The following RIN2 variants were observed in gnomAD, a reference collection of about 807,000 sequenced individuals.
The protein encoded by RIN2 is Ras and Rab interactor 2, also known as RAB5 interacting protein 2.
A neutral mutation model predicts 78.0 loss-of-function variants in RIN2; 36 were observed. The observed-to-expected ratio is 0.46, with a 90% CI of 0.35 to 0.61. The LOEUF is 0.61. RIN2 is among the 20% of genes least tolerant of loss of function. The probability of loss-of-function intolerance (pLI) is 0.00; values close to 1 mark genes in which losing one functional copy is unlikely to be tolerated. For missense variants in RIN2, 1,087 were observed against 1,159.7 expected (o/e 0.94, Z 0.91); for synonymous variants, 466 against 466.8 (o/e 1.00, Z 0.02).
At chr20:19,772,458 C>T (rs1485009957) in intron 1 of RIN2, among the ~76,000 whole-genome samples, 2 of 152,198 alleles carry the variant, frequency 1.3e-5, no homozygotes, top group Non-Finnish European at 2.9e-5. Flanking sequence ...CTAGCAGCAT[C>T]TGACATTAAA....
At chr20:19,768,587 C>G (rs1568734661) in intron 1 of RIN2, among the ~76,000 whole-genome samples, 1 of 152,174 alleles carries the variant, frequency 6.6e-6, no homozygotes, top group Non-Finnish European at 1.5e-5. Context: ...CAGGGCGTGG[C>G]AGCATTTGCC....
chr20:19,765,039 G>A (rs2033826740), intron 1 of RIN2, among the ~76,000 whole-genome samples: 1 of 146,898 alleles, frequency 6.8e-6, no homozygotes, highest in Non-Finnish European at 1.5e-5. Context: ...TAGTAGAGAC[G>A]GGGTTTCACC....
chr20:19,960,191 C>CA (rs1303792490), intron 5 of RIN2, among the ~76,000 whole-genome samples: 2 of 152,072 alleles, frequency 1.3e-5, no homozygotes, highest in African/African-American at 2.4e-5. Context: ...AATTTGAAAA[C>CA]AAAAAACAAA....
At chr20:19,918,352 AT>A (rs1568607879) in intron 3 of RIN2, among the ~76,000 whole-genome samples, 2 of 114,922 alleles carry the variant, frequency 1.7e-5, no homozygotes, top group African/African-American at 7.5e-5. Context: ...ATACAAATAC[AT>A]TGTGTGTGTG....
chr20:19,971,666 C>T (rs375564253), intron 8 of RIN2, among the ~76,000 whole-genome samples: 8 of 151,518 alleles, frequency 5.3e-5, no homozygotes, highest in Non-Finnish European at 8.8e-5. Flanking sequence ...TTGAAGCAAG[C>T]GCCATTTCCA....
At chr20:19,996,617 C>T in intron 11 of RIN2, 62 bp from the exon 12 acceptor site, 2 of 1,541,654 alleles carry the variant, frequency 1.3e-6, no homozygotes, top group South Asian at 1.1e-5. Context: ...GCTGGCATCC[C>T]CTGTTATCAC....
chr20:19,796,459 GA>G (rs930842124), intron 1 of RIN2, among the ~76,000 whole-genome samples: 1 of 152,172 alleles, frequency 6.6e-6, no homozygotes, highest in African/African-American at 2.4e-5. Context: ...TAAAAGTGAA[GA>G]AAATGGAAAA....
chr20:19,934,744 G>A (rs534962428), intron 3 of RIN2: 4 of 321,718 alleles, frequency 1.2e-5, no homozygotes, highest in South Asian at 1.3e-4. Context: ...ATTGAGGCCC[G>A]GTTTTGCCAG....
intron 1 of RIN2, among the ~76,000 whole-genome samples, chr20:19,793,108 T>C (rs1188799291): frequency 1.3e-5 from 2 of 152,168 alleles, no homozygotes; most frequent in Non-Finnish European, 2.9e-5. Context: ...CCAATAGAAA[T>C]ATAACATGAG....
intron 2 of RIN2, among the ~76,000 whole-genome samples, chr20:19,844,110 G>C (rs2036661930): frequency 1.3e-5 from 2 of 152,254 alleles, no homozygotes; most frequent in African/African-American, 2.4e-5. Context: ...AAATAAGGGA[G>C]AGTAGCTCTA....
At chr20:19,918,355 GTGT>G (rs1238563580) in intron 3 of RIN2, among the ~76,000 whole-genome samples, 2 of 19,078 alleles carry the variant, frequency 1.0e-4, no homozygotes, top group African/African-American at 3.3e-3. Context: ...CAAATACATT[GTGT>G]GTGTGTGTGT....
chr20:19,879,343 C>T (rs1294644609), intron 2 of RIN2, among the ~76,000 whole-genome samples: 1 of 152,176 alleles, frequency 6.6e-6, no homozygotes, highest in Non-Finnish European at 1.5e-5. Context: ...TTATGCTTTT[C>T]CCTTGCTAAT....
chr20:19,768,819 G>A (rs1469693618), intron 1 of RIN2, among the ~76,000 whole-genome samples: 1 of 151,782 alleles, frequency 6.6e-6, no homozygotes, highest in African/African-American at 2.4e-5. Context: ...CACTTCTGGT[G>A]CTGATTTTTA....
At chr20:19,901,137 G>T (rs546472742) in intron 3 of RIN2, among the ~76,000 whole-genome samples, 1 of 151,980 alleles carries the variant, frequency 6.6e-6, no homozygotes, top group Non-Finnish European at 1.5e-5. Flanking sequence ...GCATAGAAAC[G>T]TCTTCATTCT....
At position 19,976,631 on chromosome 20, in the gene RIN2, T is replaced by TGTTG. The variant is rs138888757; in HGVS notation, c.1762+847_1762+848insGGTT. On this transcript the variant is annotated intron_variant, in intron 9 of 12. Coordinates refer to ENST00000255006, the MANE Select transcript of RIN2 (RefSeq NM_018993.4). ...CAGGGTGAGAATGTTGAAGGTTCTT[T>TGTTG]GTTTGTTTGTTTGTTGTTTTTAATT... Among the ~76,000 whole-genome samples the TGTTG allele has an allele frequency of 7.6e-3, 1,157 of 152,286 alleles. 12 individuals are homozygous for TGTTG. Among genetic ancestry groups the TGTTG allele is most frequent in the African/African-American group, 0.012 (513 of 41,562 alleles).
chr20:19,858,897 G>C (rs922827999), intron 2 of RIN2, among the ~76,000 whole-genome samples: 1 of 152,194 alleles, frequency 6.6e-6, no homozygotes, highest in African/African-American at 2.4e-5. Flanking sequence ...GCAGGAGTTG[G>C]CAGGGGGCTC....
chr20:19,995,691 G>C (rs147546400), intron 11 of RIN2, among the ~76,000 whole-genome samples: 1 of 152,120 alleles, frequency 6.6e-6, no homozygotes, highest in Non-Finnish European at 1.5e-5. Context: ...AAGGAAGGGG[G>C]GGGTAAGAAA....
intron 3 of RIN2, among the ~76,000 whole-genome samples, chr20:19,919,874 G>C (rs965046480): frequency 1.3e-5 from 2 of 152,214 alleles, no homozygotes; most frequent in African/African-American, 4.8e-5. Context: ...CCCAAAGCCT[G>C]ATGCTTAATA....
chr20:19,930,634 C>T (rs7270436), intron 3 of RIN2, among the ~76,000 whole-genome samples: 1 of 151,992 alleles, frequency 6.6e-6, no homozygotes, highest in Admixed American at 6.5e-5. Context: ...GTGGCCGGCC[C>T]TCCCTCACAA....
Sources: allele counts gnomAD v4.1 joint callset (sites outside exome capture counted in the v4.1 genomes callset), GRCh38; gene constraint gnomAD v4.1.1; transcripts MANE v1.5; gene names NCBI Gene and HGNC (gene_info 2026-07-23, HGNC 2026-07-21).